Variants in STRN3 observed in about 807,000 individuals in gnomAD.
STRN3 encodes striatin 3.
In STRN3, 29 loss-of-function variants were observed where a neutral mutation model predicts 95.6. The observed-to-expected ratio is 0.30, with a 90% CI of 0.23 to 0.41. STRN3 has a LOEUF of 0.41. Ranked by LOEUF, STRN3 falls within the 10% of genes least tolerant of loss-of-function variation. The probability of loss-of-function intolerance (pLI) is 1.00; values close to 1 mark genes in which losing one functional copy is unlikely to be tolerated. For missense variants in STRN3, 890 were observed against 972.1 expected (o/e 0.92, Z 1.12); for synonymous variants, 331 against 357.6 (o/e 0.93, Z 0.84).
chr14:31,004,158 G>A (rs1229512659), intron 1 of STRN3, among the ~76,000 whole-genome samples: 3 of 151,966 alleles, frequency 2.0e-5, no homozygotes, highest in East Asian at 1.9e-4. Context: ...GATGGCATGC[G>A]CCTGTAGTCC....
intron 16 of STRN3, among the ~76,000 whole-genome samples, chr14:30,898,412 A>G (rs933416004): frequency 6.6e-6 from 1 of 152,230 alleles, no homozygotes; most frequent in Non-Finnish European, 1.5e-5. Context: ...TAAGGATGCT[A>G]TAATTTTCCA....
chr14:30,918,971 T>C lies in STRN3; in HGVS notation c.1235A>G (p.Glu412Gly). ...RMTDHEGARAEEAEPITFPSG... is the reference protein window; with the variant it reads ...RMTDHEGARAGEAEPITFPSG... Reference sequence around the variant, plus strand: ...ATGGTAGCTAAATTTTGTACCTTCCTCTGCTCTTGCACCTTCATGATCAGT... The same window carrying C: ...ATGGTAGCTAAATTTTGTACCTTCCCCTGCTCTTGCACCTTCATGATCAGT... Residue 412 changes from glutamate (E) to glycine (G), a missense_variant, in exon 9 of 18, where the codon GAG (glutamate) becomes GGG (glycine). Around this residue, in one of 3 missense-constraint regions of STRN3, gnomAD observed 526 missense variants for 526.3 expected, o/e 1.00. Coordinates refer to ENST00000357479, the MANE Select transcript of STRN3 (RefSeq NM_001083893.2). 2.5e-6 allele frequency: 4 copies of C among 1,573,770 alleles called. No homozygotes were observed. Among genetic ancestry groups the C allele is most frequent in the Non-Finnish European group, 3.5e-6 (4 of 1,158,874 alleles).
In STRN3 at chr14:30,894,790, G is replaced by T; in HGVS notation, c.*621C>A. Reference sequence around the variant, plus strand: ...AAACTTCAATACAATCTTGAGCACTGTTGTGACAGGCTAAATATATAAAAA... The same window carrying T: ...AAACTTCAATACAATCTTGAGCACTTTTGTGACAGGCTAAATATATAAAAA... On this transcript the variant is annotated 3_prime_UTR_variant, in exon 18 of 18. Coordinates refer to ENST00000357479, the MANE Select transcript of STRN3 (RefSeq NM_001083893.2). The T allele has an allele frequency of 3.6e-6, 1 of 281,644 alleles. No homozygotes were observed. Among genetic ancestry groups the T allele is most frequent in the South Asian group, 4.2e-5 (1 of 24,088 alleles). 17.4% of individuals were successfully genotyped at this position (281,644 alleles called of 1,614,324 possible). A position where few individuals can be genotyped will look rare whatever the true frequency, so the allele number is the denominator to read the frequency against.
intron 1 of STRN3, among the ~76,000 whole-genome samples, chr14:31,018,070 C>G (rs546913138): frequency 1.4e-5 from 2 of 146,628 alleles, no homozygotes; most frequent in South Asian, 4.3e-4. Flanking sequence ...CAAAATGAAA[C>G]CCTGCCTCAA....
At chr14:30,967,159 G>C (rs1880559007) in intron 1 of STRN3, among the ~76,000 whole-genome samples, 1 of 150,494 alleles carries the variant, frequency 6.6e-6, no homozygotes, top group Non-Finnish European at 1.5e-5. Context: ...CTTTCTTCTT[G>C]GGTATTAGAG....
At chr14:31,000,423 C>T (rs778556763) in intron 1 of STRN3, among the ~76,000 whole-genome samples, 4 of 150,808 alleles carry the variant, frequency 2.7e-5, no homozygotes, top group Non-Finnish European at 5.9e-5. Flanking sequence ...CTTTTATATA[C>T]TATTATAATT....
In STRN3 at chr14:30,969,437, C is replaced by CA. The variant is rs1006555114; in HGVS notation, c.283-13196dup. 2.6e-3 allele frequency among the ~76,000 whole-genome samples: 342 copies of CA among 131,290 alleles called. 4 individuals carry two copies. The highest frequency in any genetic ancestry group is 7.5e-3 in the African/African-American group (265 of 35,476). The allele number at this position is 131,290 out of a possible 152,430, so 86.1% of individuals were successfully genotyped here. A position where few individuals can be genotyped will look rare whatever the true frequency, so the allele number is the denominator to read the frequency against. ...GGGCCACAGAGCGAGACTCTGTCTC[C>CA]AAAAAAAAAAAGTCTATAAAAATCT... On this transcript the variant is annotated intron_variant, in intron 1 of 17. Transcript: ENST00000357479.
chr14:30,983,520 A>T (rs1394251657), intron 1 of STRN3, among the ~76,000 whole-genome samples: 1 of 152,242 alleles, frequency 6.6e-6, no homozygotes, highest in Non-Finnish European at 1.5e-5. Flanking sequence ...ACTCTAGCCT[A>T]GGCGACAGAG....
intron 1 of STRN3, among the ~76,000 whole-genome samples, chr14:31,012,118 T>C (rs557551730): frequency 6.6e-6 from 1 of 152,338 alleles, no homozygotes; most frequent in South Asian, 2.1e-4. Flanking sequence ...CAACAAATAC[T>C]ATTCCAGGCC....
intron 1 of STRN3, among the ~76,000 whole-genome samples, chr14:30,987,741 A>ATT (rs201844143): frequency 6.9e-6 from 1 of 145,308 alleles, no homozygotes; most frequent in Non-Finnish European, 1.5e-5. Context: ...GTTGAATATA[A>ATT]TTTTTTTTTT....
chr14:30,971,719 A>C (rs1274061464), intron 1 of STRN3, among the ~76,000 whole-genome samples: 1 of 152,216 alleles, frequency 6.6e-6, no homozygotes, highest in Admixed American at 6.5e-5. Flanking sequence ...GCTCTATCCA[A>C]TGAGTCAGAC....
intron 1 of STRN3, among the ~76,000 whole-genome samples, chr14:30,997,104 G>A (rs1178839304): frequency 6.6e-6 from 1 of 152,106 alleles, no homozygotes; most frequent in African/African-American, 2.4e-5. Flanking sequence ...AAAAGGCTAA[G>A]GAACAGGATC....
chr14:31,006,748 C>T (rs933475351), intron 1 of STRN3, among the ~76,000 whole-genome samples: 1 of 151,804 alleles, frequency 6.6e-6, no homozygotes. Context: ...AAAAAAGGAT[C>T]TAGAATCAGA....
chr14:30,979,100 C>T (rs1289406892), intron 1 of STRN3, among the ~76,000 whole-genome samples: 1 of 108,864 alleles, frequency 9.2e-6, no homozygotes, highest in Non-Finnish European at 1.9e-5. Flanking sequence ...GATTAATAAA[C>T]AAAAGTCTGT....
chr14:30,906,975 A>G lies in STRN3; in HGVS notation c.1790T>C (p.Ile597Thr), dbSNP rs765816873. The change falls in exon 14 of 18, where the codon ATA becomes ACA. Residue 597 changes from isoleucine to threonine, a missense_variant. Coordinates refer to ENST00000357479, the MANE Select transcript of STRN3 (RefSeq NM_001083893.2). ...DAVWGLAYSGIKNQLLSCSAD... is the reference protein window; with the variant it reads ...DAVWGLAYSGTKNQLLSCSAD... ...TGAACAAGACAGTAATTGATTTTTT[A>G]TGCCACTATAAGCAAGACCCCAAAC... 1.2e-6 allele frequency: 2 copies of G among 1,613,838 alleles called. No individual in the cohort carries two copies. Among genetic ancestry groups the G allele is most frequent in the African/African-American group, 2.7e-5 (2 of 74,928 alleles).
At chr14:31,004,850 G>A (rs1333231125) in intron 1 of STRN3, among the ~76,000 whole-genome samples, 4 of 152,084 alleles carry the variant, frequency 2.6e-5, no homozygotes, top group Non-Finnish European at 5.9e-5. Flanking sequence ...TCTGACACAG[G>A]TCTAAAACAA....
intron 1 of STRN3, among the ~76,000 whole-genome samples, chr14:30,987,008 A>C (rs970318394): frequency 8.5e-5 from 13 of 152,180 alleles, no homozygotes; most frequent in Non-Finnish European, 1.8e-4. Flanking sequence ...TCAAGCTCTA[A>C]TTACCAACAA....
chr14:30,960,785 C>T (rs1217898806), intron 1 of STRN3, among the ~76,000 whole-genome samples: 3 of 140,392 alleles, frequency 2.1e-5, no homozygotes, highest in Non-Finnish European at 3.0e-5. Context: ...AGGAGAATGG[C>T]GTGAACCCGA....
At chr14:30,991,306 C>A (rs1369910516) in intron 1 of STRN3, among the ~76,000 whole-genome samples, 3 of 152,164 alleles carry the variant, frequency 2.0e-5, no homozygotes, top group African/African-American at 7.2e-5. Context: ...ATGAGAAACA[C>A]AAATTTGTTG....
Sources: allele counts gnomAD v4.1 joint callset (sites outside exome capture counted in the v4.1 genomes callset), GRCh38; gene constraint gnomAD v4.1.1; regional missense constraint gnomAD v4.1.1; transcripts MANE v1.5; gene names NCBI Gene and HGNC (gene_info 2026-07-23, HGNC 2026-07-21).